Variants in DPH6 observed in about 807,000 individuals in gnomAD.
The protein encoded by DPH6 is diphthine--ammonia ligase.
DPH6 carries 33 observed loss-of-function variants against 38.2 expected under a neutral mutation model. The ratio of observed to expected loss-of-function variants is 0.86; its 90% CI spans 0.65 to 1.15. The LOEUF is 1.15. DPH6 is among the 50% of genes most tolerant of loss of function. The pLI is 0.00. For missense variants in DPH6, 325 were observed against 320.0 expected, an observed-to-expected ratio of 1.02 and a Z score of -0.12; for synonymous variants, 108 against 103.0, an observed-to-expected ratio of 1.05 and a Z score of -0.30.
At chr15:35,370,004 T>G (rs931393899), downstream of DPH6, among the ~76,000 whole-genome samples, 3 of 151,830 alleles carry the variant, frequency 2.0e-5, no homozygotes, top group African/African-American at 7.2e-5. Flanking sequence ...ACTGTGGTAT[T>G]TGCAAAAGAG....
chr15:35,282,412 C>G (rs1054358886), intron 3 of DPH6, among the ~76,000 whole-genome samples: 1 of 152,190 alleles, frequency 6.6e-6, no homozygotes, highest in African/African-American at 2.4e-5. Flanking sequence ...CTCCTGGCCT[C>G]AAGCGATCCT....
At chr15:35,359,211 G>A (rs2052592945) in intron 3 of DPH6, among the ~76,000 whole-genome samples, 2 of 151,928 alleles carry the variant, frequency 1.3e-5, no homozygotes, top group South Asian at 2.1e-4. Context: ...CAAACCCAAG[G>A]GCCGGTCTCA....
At chr15:35,317,432 GAAGA>G (rs2052201724) in intron 3 of DPH6, among the ~76,000 whole-genome samples, 1 of 147,514 alleles carries the variant, frequency 6.8e-6, no homozygotes, top group Non-Finnish European at 1.5e-5. Context: ...AGGGAGGGAG[GAAGA>G]AAGAGAGAGA....
At chr15:35,489,430 C>A (rs949651598) in intron 3 of DPH6, 1 of 984,818 alleles carries the variant, frequency 1.0e-6, no homozygotes, top group African/African-American at 1.7e-5. Context: ...TTGTTTCTGT[C>A]ATTTGTAGCC....
intron 3 of DPH6, among the ~76,000 whole-genome samples, chr15:35,272,677 G>A (rs1049375429): frequency 6.6e-6 from 1 of 152,086 alleles, no homozygotes; most frequent in African/African-American, 2.4e-5. Flanking sequence ...GGGAGGCCGA[G>A]GCAGGTGGAT....
At chr15:35,237,873 C>G in intron 3 of DPH6, 1 of 1,484,646 alleles carries the variant, frequency 6.7e-7, no homozygotes, top group Admixed American at 1.7e-5. Context: ...GACGAAGATG[C>G]TCAGGTAGTG....
chr15:35,351,927 C>T (rs1036921396), intron 3 of DPH6, among the ~76,000 whole-genome samples: 1 of 151,970 alleles, frequency 6.6e-6, no homozygotes. Context: ...CCTATGTTGC[C>T]CATACTGGTC....
At chr15:35,505,422 A>G (rs938085900) in intron 3 of DPH6, among the ~76,000 whole-genome samples, 2 of 152,068 alleles carry the variant, frequency 1.3e-5, no homozygotes, top group Admixed American at 6.6e-5. Context: ...ATGATGAAAT[A>G]CCCCAGCAGT....
the DPH6 span, among the ~76,000 whole-genome samples, chr15:35,155,109 A>G: frequency 6.6e-6 from 1 of 152,188 alleles, no homozygotes; most frequent in African/African-American, 2.4e-5. Context: ...GACCTTCAGC[A>G]GAGGTTGAGA....
chr15:35,534,938 A>G (rs2055146572), intron 3 of DPH6, among the ~76,000 whole-genome samples: 1 of 152,192 alleles, frequency 6.6e-6, no homozygotes, highest in African/African-American at 2.4e-5. Flanking sequence ...CCAACTACCC[A>G]ACATTCTAGG....
chr15:35,450,847 T>C (rs755065158), intron 4 of DPH6, 44 bp from the exon 5 acceptor site: 2 of 1,450,296 alleles, frequency 1.4e-6, no homozygotes, highest in Non-Finnish European at 1.9e-6. Flanking sequence ...TCTCTTAATG[T>C]TTTATACTTG....
intron 3 of DPH6, among the ~76,000 whole-genome samples, chr15:35,468,563 C>G (rs967193329): frequency 2.6e-5 from 4 of 152,130 alleles, no homozygotes; most frequent in Admixed American, 2.6e-4. Context: ...AGGGAAATCT[C>G]TGGGGTGGGG....
intron 3 of DPH6, among the ~76,000 whole-genome samples, chr15:35,511,828 T>C (rs8039310): frequency 6.6e-6 from 1 of 152,132 alleles, no homozygotes; most frequent in African/African-American, 2.4e-5. Flanking sequence ...AATTCCAAGA[T>C]GGTGATATAT....
intron 3 of DPH6, among the ~76,000 whole-genome samples, chr15:35,253,932 C>G (rs1233648110): frequency 6.6e-6 from 1 of 152,160 alleles, no homozygotes; most frequent in Non-Finnish European, 1.5e-5. Context: ...CAGATCAGGT[C>G]AGACTAGAGC....
At chr15:35,297,235 C>T (rs1343845232) in intron 3 of DPH6, among the ~76,000 whole-genome samples, 1 of 152,106 alleles carries the variant, frequency 6.6e-6, no homozygotes, top group Non-Finnish European at 1.5e-5. Context: ...TTTTTAGCCC[C>T]TTGTCCTCAA....
chr15:35,411,010 A>C (rs1217703156), intron 5 of DPH6, 114 bp from the exon 6 acceptor site: 4 of 847,368 alleles, frequency 4.7e-6, no homozygotes, highest in Non-Finnish European at 7.1e-6. Flanking sequence ...TATATTTTGA[A>C]TTGCTTTGAT....
intron 7 of DPH6, among the ~76,000 whole-genome samples, chr15:35,381,511 A>G (rs1173835394): frequency 6.6e-6 from 1 of 152,226 alleles, no homozygotes; most frequent in Non-Finnish European, 1.5e-5. Flanking sequence ...GATAAATAAT[A>G]CAGGCAATTC....
the DPH6 span, among the ~76,000 whole-genome samples, chr15:35,211,843 C>T: frequency 6.6e-6 from 1 of 151,972 alleles, no homozygotes; most frequent in Non-Finnish European, 1.5e-5. Context: ...TTGGAGTAGC[C>T]CAGCATCCAA....
chr15:35,213,476 T>A (rs979163296), downstream of DPH6, among the ~76,000 whole-genome samples: 4 of 152,230 alleles, frequency 2.6e-5, no homozygotes, highest in African/African-American at 9.6e-5. Context: ...TTCATACATA[T>A]TAATCTTTCC....
Sources: gnomAD v4.1 joint callset for allele counts (sites outside exome capture counted in the v4.1 genomes callset) on GRCh38, gnomAD v4.1.1 for gene constraint, MANE v1.5 for transcripts, NCBI Gene and HGNC (gene_info 2026-07-23, HGNC 2026-07-21) for gene names.